Variants in GULP1 observed in about 807,000 individuals in gnomAD.
GULP1 encodes GULP PTB domain containing engulfment adaptor 1, also known as PTB domain-containing engulfment adapter protein 1.
GULP1 carries 19 observed loss-of-function variants against 40.9 expected under a neutral mutation model. That is an observed-to-expected ratio of 0.46 (90% confidence interval 0.32 to 0.68). GULP1 has a LOEUF of 0.68. GULP1 is among the 30% of genes least tolerant of loss of function. GULP1 has a pLI of 0.03. For synonymous variants in GULP1, 119 were observed against 117.6 expected, an observed-to-expected ratio of 1.01 and a Z score of -0.08; for missense variants, 312 against 362.2, an observed-to-expected ratio of 0.86 and a Z score of 1.12.
chr2:188,469,440 A>G (rs145540489), intron 2 of GULP1, among the ~76,000 whole-genome samples: 1 of 152,208 alleles, frequency 6.6e-6, no homozygotes, highest in Non-Finnish European at 1.5e-5. Context: ...TGGGTAAATT[A>G]TAAAGAAATG....
intron 4 of GULP1, among the ~76,000 whole-genome samples, chr2:188,514,150 G>T (rs1431713386): frequency 2.6e-5 from 4 of 151,056 alleles, no homozygotes; most frequent in Non-Finnish European, 4.4e-5. Flanking sequence ...ATCGGGCAAG[G>T]CTCCTGCCAC....
chr2:188,308,598 A>G (rs2037534861), intron 1 of GULP1, among the ~76,000 whole-genome samples: 1 of 152,138 alleles, frequency 6.6e-6, no homozygotes, highest in African/African-American at 2.4e-5. Context: ...CAAGTTCAGT[A>G]AAAAAGATGA....
At chr2:188,410,816 T>C (rs967694248) in intron 2 of GULP1, among the ~76,000 whole-genome samples, 1 of 152,124 alleles carries the variant, frequency 6.6e-6, no homozygotes, top group Non-Finnish European at 1.5e-5. Flanking sequence ...AAGATAGTTA[T>C]AAGAAATAGG....
At chr2:188,547,257 A>G (rs1379782063) in intron 7 of GULP1, among the ~76,000 whole-genome samples, 1 of 151,510 alleles carries the variant, frequency 6.6e-6, no homozygotes, top group Non-Finnish European at 1.5e-5. Context: ...AAAAAAAAAC[A>G]CTAGAGATCT....
At chr2:188,337,088 AT>A (rs1234044167) in intron 1 of GULP1, among the ~76,000 whole-genome samples, 2 of 3,308 alleles carry the variant, frequency 6.0e-4, no homozygotes, top group Admixed American at 5.0e-3. Flanking sequence ...ATATATCTGT[AT>A]CTATATCTAT....
At chr2:188,375,524 A>C (rs534233781) in intron 1 of GULP1, among the ~76,000 whole-genome samples, 1 of 152,216 alleles carries the variant, frequency 6.6e-6, no homozygotes, top group Non-Finnish European at 1.5e-5. Flanking sequence ...AGCAGCTTCC[A>C]TTGTGTGACT....
chr2:188,578,695 T>C (rs936141938), intron 9 of GULP1, among the ~76,000 whole-genome samples: 9 of 152,246 alleles, frequency 5.9e-5, no homozygotes, highest in South Asian at 2.1e-4. Context: ...ATTCAGATAC[T>C]GTGCATGTTC....
intron 2 of GULP1, among the ~76,000 whole-genome samples, chr2:188,408,775 A>G (rs1388085933): frequency 6.6e-6 from 1 of 152,240 alleles, no homozygotes; most frequent in East Asian, 1.9e-4. Flanking sequence ...AGATGATGAT[A>G]CAAGTGATAA....
intron 2 of GULP1, among the ~76,000 whole-genome samples, chr2:188,420,996 A>C (rs985923834): frequency 6.6e-6 from 1 of 152,052 alleles, no homozygotes; most frequent in Non-Finnish European, 1.5e-5. Flanking sequence ...CATTTTCCTC[A>C]TTTCCTCTCC....
chr2:188,314,322 T>A (rs2038714086), intron 1 of GULP1, among the ~76,000 whole-genome samples: 1 of 152,210 alleles, frequency 6.6e-6, no homozygotes, highest in Admixed American at 6.5e-5. Flanking sequence ...ACTTGAAATG[T>A]CAAAGTCAAA....
intron 1 of GULP1, among the ~76,000 whole-genome samples, chr2:188,327,567 G>A (rs2040931672): frequency 6.6e-6 from 1 of 152,076 alleles, no homozygotes; most frequent in Non-Finnish European, 1.5e-5. Context: ...TTTTCAGGCT[G>A]TGTCCAAGAC....
At chr2:188,314,181 C>G (rs2038684019) in intron 1 of GULP1, among the ~76,000 whole-genome samples, 1 of 149,558 alleles carries the variant, frequency 6.7e-6, no homozygotes, top group Non-Finnish European at 1.5e-5. Context: ...GGATAGCCTT[C>G]AAGTTACTTA....
chr2:188,453,814 G>A (rs140046112), intron 2 of GULP1, among the ~76,000 whole-genome samples: 103 of 152,262 alleles, frequency 6.8e-4, no homozygotes, highest in African/African-American at 1.7e-3. Flanking sequence ...CCAGAAATAC[G>A]AAAAGGGACA....
At chr2:188,387,866 GT>G (rs1020907024) in intron 2 of GULP1, among the ~76,000 whole-genome samples, 9 of 150,430 alleles carry the variant, frequency 6.0e-5, no homozygotes, top group Admixed American at 3.3e-4. Flanking sequence ...CCTTTAAGAA[GT>G]TTTTTTTTTA....
chr2:188,474,018 T>C lies in GULP1; in HGVS notation c.-44-3641T>C, dbSNP rs571146791. On this transcript the variant is annotated intron_variant, in intron 2 of 11. Transcript: ENST00000409830. Reference sequence around the variant, plus strand: ...ATGAAGGCTACTAGTACTGAGTTTTTCCTTTCAAGGCAAAGAGAAAGGATT... The same window carrying C: ...ATGAAGGCTACTAGTACTGAGTTTTCCCTTTCAAGGCAAAGAGAAAGGATT... Among the ~76,000 whole-genome samples, 3 of 152,260 alleles carry C rather than the reference T, an allele frequency of 2.0e-5. No individual in the cohort carries two copies. The South Asian group carries it at 6.2e-4, about 32-fold the overall frequency.
intron 2 of GULP1, among the ~76,000 whole-genome samples, chr2:188,426,018 T>C (rs1318791694): frequency 1.3e-5 from 2 of 152,160 alleles, no homozygotes; most frequent in African/African-American, 4.8e-5. Context: ...CCTAAGAACA[T>C]ATGCCTCTAA....
At chr2:188,534,386 A>C (rs1214210791) in intron 6 of GULP1, among the ~76,000 whole-genome samples, 1 of 152,144 alleles carries the variant, frequency 6.6e-6, no homozygotes, top group Non-Finnish European at 1.5e-5. Context: ...TTTAATGCAG[A>C]AACAGAAAAC....
intron 1 of GULP1, among the ~76,000 whole-genome samples, chr2:188,357,235 T>C (rs2045457546): frequency 6.6e-6 from 1 of 152,090 alleles, no homozygotes; most frequent in Admixed American, 6.6e-5. Context: ...AAGGCTTATG[T>C]ACAGCAAAGG....
intron 2 of GULP1, among the ~76,000 whole-genome samples, chr2:188,411,580 C>A (rs1055556652): frequency 1.3e-5 from 2 of 152,168 alleles, no homozygotes; most frequent in African/African-American, 2.4e-5. Context: ...TCTGAGGTCA[C>A]CCTTTGTTGA....
Sources: allele counts gnomAD v4.1 joint callset (sites outside exome capture counted in the v4.1 genomes callset), GRCh38; gene constraint gnomAD v4.1.1; transcripts MANE v1.5; gene names NCBI Gene and HGNC (gene_info 2026-07-23, HGNC 2026-07-21).